SEL1L3: variants seen among roughly 807,000 people sequenced by gnomAD.
SEL1L3 encodes protein sel-1 homolog 3.
Under a neutral mutation model 142.8 loss-of-function variants are expected in SEL1L3, and 76 were observed. The ratio of observed to expected loss-of-function variants is 0.53; its 90% CI spans 0.44 to 0.64. SEL1L3 has a LOEUF of 0.64. Ranked by LOEUF, SEL1L3 falls within the 30% of genes least tolerant of loss-of-function variation. The pLI, the probability that SEL1L3 is intolerant of heterozygous loss-of-function variation, is 0.00. For missense variants in SEL1L3, 1,262 were observed against 1,381.7 expected (o/e 0.91, Z 1.37); for synonymous variants, 504 against 519.6 (o/e 0.97, Z 0.41).
rs189514961 is a variant in SEL1L3, at chr4:25,772,711, C to T, written c.2669+3566G>A. Among the ~76,000 whole-genome samples, 128 of 152,138 alleles carry T rather than the reference C, an allele frequency of 8.4e-4. 2 individuals are homozygous for T. The highest frequency in any genetic ancestry group is 5.8e-3 in the Admixed American group (89 of 15,280). ...ATCCAAATATTCATTAACAAGAGAACTGGGAAATAAATTGTGATCTGTTAC... is the reference window on the plus strand; with the variant it reads ...ATCCAAATATTCATTAACAAGAGAATTGGGAAATAAATTGTGATCTGTTAC... On this transcript the variant is annotated intron_variant, in intron 17 of 23. Coordinates refer to ENST00000399878, the MANE Select transcript of SEL1L3 (RefSeq NM_015187.5).
intron 15 of SEL1L3, among the ~76,000 whole-genome samples, chr4:25,780,569 C>T (rs1315802182): frequency 6.6e-6 from 1 of 151,876 alleles, no homozygotes; most frequent in Non-Finnish European, 1.5e-5. Flanking sequence ...CTGCCTGCTC[C>T]TTCCTTCTGG....
downstream of SEL1L3, among the ~76,000 whole-genome samples, chr4:25,744,346 G>GTTTTTTTTTTT (rs1560268280): frequency 3.3e-4 from 22 of 66,818 alleles, no homozygotes; most frequent in Non-Finnish European, 6.0e-4. Flanking sequence ...ATATGTGTGA[G>GTTTTTTTTTTT]TCTTTTTTTT....
chr4:25,823,503 A>C, intron 6 of SEL1L3, among the ~76,000 whole-genome samples: 1 of 152,152 alleles, frequency 6.6e-6, no homozygotes, highest in African/African-American at 2.4e-5. Context: ...GACAAGAGCG[A>C]GACTCCATGT....
chr4:25,856,902 A>G (rs1717299883), intron 1 of SEL1L3, among the ~76,000 whole-genome samples: 1 of 152,236 alleles, frequency 6.6e-6, no homozygotes, highest in South Asian at 2.1e-4. Context: ...TAAGGAAGGA[A>G]CAGAGAGATT....
Position 25,847,399 on chromosome 4 carries a change from G to T in SEL1L3, c.628C>A (p.Pro210Thr), listed in dbSNP as rs1460165221. 3.7e-6 allele frequency: 6 copies of T among 1,613,818 alleles called. No individual in the cohort carries two copies. In the African/African-American group the frequency reaches 6.7e-5, roughly 18 times the overall value. ...KNYTLLQTIP[P>T]FERPFKDHQV... ...TGATCTTTGAAAGGGCGTTCAAAAG[G>T]CGGGATGGTCTGCAGGAGGGTATAA... The change falls in exon 2 of 24, where the codon CCT (proline) becomes ACT (threonine). Residue 210 changes from proline to threonine, a missense_variant. Transcript: ENST00000399878.
chr4:25,848,017 C>A (rs563077092), intron 1 of SEL1L3, among the ~76,000 whole-genome samples, 153 bp from the exon 2 acceptor site: 2 of 152,262 alleles, frequency 1.3e-5, no homozygotes, highest in South Asian at 4.1e-4. Flanking sequence ...AAAACCACTA[C>A]TGAAGAATTG....
In SEL1L3 at chr4:25,818,157, C is replaced by T. The variant is rs764219010; in HGVS notation, c.1545G>A (p.Leu515=). 1.9e-6 allele frequency: 3 copies of T among 1,611,710 alleles called. No homozygotes were observed. In the East Asian group the frequency reaches 6.7e-5, roughly 36 times the overall value. The part of the protein sequence containing the change: ...DKHPSLFQAL[L]EMDLLTVPRN... ...AATTACCGGTCAGCAGATCCATCTC[C>T]AGCAATGCCTGGAACAAGCTGGGGT... is the stretch of plus-strand genomic sequence containing the variant. The change falls in exon 9 of 24, where the codon CTG becomes CTA. Residue 515 remains leucine, a synonymous_variant. Coordinates refer to ENST00000399878, the MANE Select transcript of SEL1L3 (RefSeq NM_015187.5).
Position 25,854,567 on chromosome 4 carries a change from A to C in SEL1L3, c.163-6703T>G, listed in dbSNP as rs924740091. 2.6e-5 allele frequency among the ~76,000 whole-genome samples: 4 copies of C among 152,212 alleles called. No individual in the cohort carries two copies. In the East Asian group the frequency reaches 5.8e-4, roughly 22 times the overall value. The stretch of plus-strand genomic sequence containing the variant: ...TGCTGGGATTACAGCATGAGCCTAC[A>C]GCGCCTGGCCAATTATCAAGCTATT... On this transcript the variant is annotated intron_variant, in intron 1 of 23. Coordinates refer to ENST00000399878, the MANE Select transcript of SEL1L3 (RefSeq NM_015187.5).
chr4:25,799,184 C>T (rs999487279), intron 11 of SEL1L3, among the ~76,000 whole-genome samples: 3 of 152,150 alleles, frequency 2.0e-5, no homozygotes, highest in African/African-American at 4.8e-5. Context: ...AAGTGACTCT[C>T]GTGCCTCAGC....
At chr4:25,804,955 G>A (rs576110916) in intron 9 of SEL1L3, among the ~76,000 whole-genome samples, 1 of 152,180 alleles carries the variant, frequency 6.6e-6, no homozygotes, top group South Asian at 2.1e-4. Context: ...CTTTTTCTTT[G>A]GCACTATATG....
intron 12 of SEL1L3, among the ~76,000 whole-genome samples, chr4:25,790,096 A>T (rs1712188053): frequency 6.6e-6 from 1 of 152,168 alleles, no homozygotes; most frequent in South Asian, 2.1e-4. Flanking sequence ...AGAGCTGGTC[A>T]TAAATATTGT....
chr4:25,782,512 G>A (rs1720073435), intron 14 of SEL1L3, 94 bp from the exon 15 acceptor site: 1 of 1,052,652 alleles, frequency 9.5e-7, no homozygotes, highest in South Asian at 1.7e-5. Flanking sequence ...GCCTAAGTCT[G>A]AACAAAACCT....
In SEL1L3 at chr4:25,833,042, G is replaced by A; in HGVS notation, c.1051C>T (p.Pro351Ser). 1 of 1,612,622 alleles carries A rather than the reference G, an allele frequency of 6.2e-7. No individual in the cohort carries two copies. Among genetic ancestry groups the A allele is most frequent in the Non-Finnish European group, 8.5e-7 (1 of 1,178,754 alleles). ...DLAVKTKFIIPLKEWFRLDIS... is the reference protein window; with the variant it reads ...DLAVKTKFIISLKEWFRLDIS... ...TCCAGTCGAAACCACTCCTTCAAAG[G>A]TATGATGAATTTAGTTTTTACAGCA... The change falls in exon 5 of 24, where the codon CCT becomes TCT. Residue 351 changes from proline to serine, a missense_variant. Pro to Ser is a moderately conservative substitution (Grantham distance 74). This residue lies in a region of SEL1L3 where 689 missense variants were observed against 692.8 expected (regional missense o/e 0.99). Coordinates refer to ENST00000399878, the MANE Select transcript of SEL1L3 (RefSeq NM_015187.5).
Position 25,757,558 on chromosome 4 carries a change from C to T in SEL1L3, c.3235G>A (p.Val1079Met), listed in dbSNP as rs747794153. The change falls in exon 23 of 24, where the codon GTG becomes ATG. Residue 1079 changes from valine (V) to methionine (M), a missense_variant. Physicochemically the swap from Val to Met is conservative, Grantham distance 21. Coordinates refer to ENST00000399878, the MANE Select transcript of SEL1L3 (RefSeq NM_015187.5). The part of the protein sequence containing the change: ...FLLSILIAWT[V>M]QYFQSVSASD... ...CCTGAGACAGACTGGAAATACTGCA[C>T]AGTCCAGGCGATCAATATGGATAGC... is the stretch of plus-strand genomic sequence containing the variant. The T allele has an allele frequency of 7.1e-5, 110 of 1,548,376 alleles. No individual in the cohort carries two copies. The highest frequency in any genetic ancestry group is 3.3e-4 in the Middle Eastern group (2 of 5,982).
intron 11 of SEL1L3, among the ~76,000 whole-genome samples, chr4:25,796,249 G>A (rs1712737076): frequency 6.6e-6 from 1 of 152,056 alleles, no homozygotes; most frequent in Non-Finnish European, 1.5e-5. Flanking sequence ...CAGCCTGCAG[G>A]CCACAGAGGG....
intron 1 of SEL1L3, among the ~76,000 whole-genome samples, chr4:25,860,008 G>A (rs1241992231): frequency 2.0e-5 from 3 of 152,166 alleles, no homozygotes; most frequent in Non-Finnish European, 4.4e-5. Flanking sequence ...AAGACAATAA[G>A]CTAGTGTGGT....
At chr4:25,720,923 G>A in the SEL1L3 span, 1 of 152,150 alleles carries the variant, frequency 6.6e-6, no homozygotes, top group Non-Finnish European at 1.5e-5. Context: ...GGAGTAGAGG[G>A]GAAAAATGCC....
In SEL1L3 at chr4:25,847,276, G is replaced by A; in HGVS notation, c.733+18C>T. ...TGAAAAAATGAGAATTAGGTTCCTA[G>A]CAAGATAGATGACCTACCATTTTCC... is the stretch of plus-strand genomic sequence containing the variant. On this transcript the variant is annotated intron_variant, in intron 2 of 23. Transcript: ENST00000399878. 1.0e-5 allele frequency: 16 copies of A among 1,585,366 alleles called. No homozygotes were observed. The highest frequency in any genetic ancestry group is 1.4e-5 in the African/African-American group (1 of 73,930).
intron 14 of SEL1L3, among the ~76,000 whole-genome samples, chr4:25,783,972 C>T (rs1255574835): frequency 6.6e-6 from 1 of 152,102 alleles, no homozygotes; most frequent in African/African-American, 2.4e-5. Flanking sequence ...AAAATCAACC[C>T]GAATGCTATT....
Sources: gnomAD v4.1 joint callset for allele counts (sites outside exome capture counted in the v4.1 genomes callset) on GRCh38, gnomAD v4.1.1 for gene constraint, gnomAD v4.1.1 regional missense constraint, MANE v1.5 for transcripts, NCBI Gene and HGNC (gene_info 2026-07-23, HGNC 2026-07-21) for gene names.